TNNT3: variants seen among roughly 807,000 people sequenced by gnomAD.
TNNT3 encodes the protein troponin T, fast skeletal muscle.
TNNT3 carries 36 observed loss-of-function variants against 54.2 expected under a neutral mutation model. The ratio of observed to expected loss-of-function variants is 0.66; its 90% CI spans 0.51 to 0.88. The LOEUF is 0.88. TNNT3 is among the 40% of genes least tolerant of loss of function. TNNT3 has a pLI of 0.00. For missense variants in TNNT3, 291 were observed against 331.6 expected (o/e 0.88, Z 0.95); for synonymous variants, 120 against 109.7 (o/e 1.09, Z -0.59).
chr11:1,924,771 T>A, intron 4 of TNNT3: 1 of 548,580 alleles, frequency 1.8e-6, no homozygotes, highest in Non-Finnish European at 3.3e-6. Context: ...GAGCAGGACT[T>A]AACAAGGGCC....
chr11:1,927,574 G>A (rs1366920166), intron 6 of TNNT3, among the ~76,000 whole-genome samples: 1 of 152,216 alleles, frequency 6.6e-6, no homozygotes, highest in East Asian at 1.9e-4. Flanking sequence ...GAGGTGTCCA[G>A]GAGATAGCCT....
At chr11:1,936,698 T>C (rs1855170574) in intron 14 of TNNT3, among the ~76,000 whole-genome samples, 1 of 152,126 alleles carries the variant, frequency 6.6e-6, no homozygotes, top group African/African-American at 2.4e-5. Flanking sequence ...TGAAGGTAAG[T>C]GGCCAGCTAC....
chr11:1,934,186 A>G (rs1308439597), intron 11 of TNNT3, 146 bp from the exon 12 acceptor site: 22 of 1,059,960 alleles, frequency 2.1e-5, no homozygotes, highest in Middle Eastern at 2.7e-4. Flanking sequence ...AATCCTGGCC[A>G]AGACCTGGAG....
Position 1,933,709 on chromosome 11 carries a change from C to T in TNNT3, c.172-12C>T, listed in dbSNP as rs1412068719. ...GAGGGGTGGGGCTCACACCCACTGCCCCTGCCCACAGGACATCCAGAAGAA... is the reference window on the plus strand; with the variant it reads ...GAGGGGTGGGGCTCACACCCACTGCTCCTGCCCACAGGACATCCAGAAGAA... On this transcript the variant is annotated splice_polypyrimidine_tract_variant and intron_variant, in intron 9 of 15. Coordinates refer to ENST00000278317, the MANE Select transcript of TNNT3 (RefSeq NM_006757.4). 6.2e-7 allele frequency: 1 copy of T among 1,609,036 alleles called. No individual in the cohort carries two copies. Among genetic ancestry groups the T allele is most frequent in the Non-Finnish European group, 8.5e-7 (1 of 1,176,428 alleles).
chr11:1,934,273 G>T (rs1323968520), intron 11 of TNNT3, 59 bp from the exon 12 acceptor site: 6 of 1,524,984 alleles, frequency 3.9e-6, no homozygotes, highest in African/African-American at 2.7e-5. Context: ...CCTAAAGCCT[G>T]CCCAGAAAGC....
chr11:1,932,423 T>C, intron 8 of TNNT3, 46 bp from the exon 9 acceptor site: 1 of 1,592,722 alleles, frequency 6.3e-7, no homozygotes, highest in Middle Eastern at 1.9e-4. Context: ...CCCTCTGGGG[T>C]GGGTCTCCGG....
At chr11:1,922,747 C>T (rs536653456) in intron 1 of TNNT3, 110 bp from the exon 2 acceptor site, 27 of 1,080,830 alleles carry the variant, frequency 2.5e-5, no homozygotes, top group South Asian at 8.9e-5. Flanking sequence ...ACCCTGCCCG[C>T]GGTCCCCCAC....
At chr11:1,935,820 G>A (rs989775920) in intron 14 of TNNT3, among the ~76,000 whole-genome samples, 1 of 152,104 alleles carries the variant, frequency 6.6e-6, no homozygotes, top group Non-Finnish European at 1.5e-5. Context: ...CAAGCCAGCC[G>A]GGCAAATCCG....
intron 4 of TNNT3, chr11:1,924,885 A>C: frequency 1.5e-6 from 1 of 660,726 alleles, no homozygotes; most frequent in South Asian, 1.7e-5. Context: ...GCTGACAGTG[A>C]CCAGCTCTGC....
At chr11:1,925,264 G>A in intron 5 of TNNT3, 148 bp downstream of exon 5, 1 of 1,605,440 alleles carries the variant, frequency 6.2e-7, no homozygotes, top group Non-Finnish European at 8.5e-7. Flanking sequence ...AGCTGCAGAA[G>A]TCCATGAGGA....
chr11:1,928,117 C>T (rs1852159076), intron 6 of TNNT3: 1 of 152,944 alleles, frequency 6.5e-6, no homozygotes, highest in South Asian at 2.1e-4. Context: ...ACCCCCGGGC[C>T]CAGGCCTGCT....
intron 6 of TNNT3, among the ~76,000 whole-genome samples, 169 bp downstream of exon 6, chr11:1,926,878 C>T (rs1390849664): frequency 1.3e-5 from 2 of 152,190 alleles, no homozygotes; most frequent in African/African-American, 2.4e-5. Context: ...AAGGGCTGGC[C>T]GGTACAGTGC....
At chr11:1,929,315 C>T (rs1852598194) in intron 7 of TNNT3, among the ~76,000 whole-genome samples, 172 bp downstream of exon 7, 1 of 152,208 alleles carries the variant, frequency 6.6e-6, no homozygotes, top group South Asian at 2.1e-4. Flanking sequence ...CGCACGGTGC[C>T]GCTGGGGTCG....
At chr11:1,932,024 C>T (rs1432249848) in intron 8 of TNNT3, among the ~76,000 whole-genome samples, 2 of 152,158 alleles carry the variant, frequency 1.3e-5, no homozygotes, top group Non-Finnish European at 2.9e-5. Context: ...TCCTTTGGGC[C>T]CCCAGAGAGA....
intron 9 of TNNT3, 31 bp downstream of exon 9, chr11:1,932,545 C>T (rs754427849): frequency 1.9e-5 from 31 of 1,611,026 alleles, no homozygotes; most frequent in Middle Eastern, 1.6e-4. Flanking sequence ...TTAACATGTC[C>T]ACGGTTTCCC....
chr11:1,931,926 T>C (rs779286258), intron 8 of TNNT3, among the ~76,000 whole-genome samples: 4 of 152,154 alleles, frequency 2.6e-5, no homozygotes, highest in Non-Finnish European at 2.9e-5. Flanking sequence ...CTGGAATGTA[T>C]TGGTGAGAGG....
intron 3 of TNNT3, 48 bp downstream of exon 3, chr11:1,923,109 G>A: frequency 6.2e-7 from 1 of 1,610,392 alleles, no homozygotes; most frequent in Non-Finnish European, 8.5e-7. Flanking sequence ...TAGAAGGAAG[G>A]CTCACATGTG....
At chr11:1,929,705 T>A in intron 7 of TNNT3, 105 bp from the exon 8 acceptor site, 3 of 1,313,742 alleles carry the variant, frequency 2.3e-6, no homozygotes, top group Non-Finnish European at 3.2e-6. Flanking sequence ...TGGCCTTCAG[T>A]GAAGGGGAAC....
chr11:1,934,154 C>T (rs1340717424), intron 11 of TNNT3, 146 bp downstream of exon 11: 15 of 1,127,038 alleles, frequency 1.3e-5, no homozygotes, highest in South Asian at 1.2e-4. Context: ...CGGCGCCCTG[C>T]AGAACCCCTT....
Sources: allele counts gnomAD v4.1 joint callset (sites outside exome capture counted in the v4.1 genomes callset), GRCh38; gene constraint gnomAD v4.1.1; transcripts MANE v1.5; gene names NCBI Gene and HGNC (gene_info 2026-07-23, HGNC 2026-07-21).